Variants in ZNF888 observed in about 807,000 individuals in gnomAD.
ZNF888 encodes the protein zinc finger protein 888, also known as CTD-2331H12.6.
Under a neutral mutation model 7.2 loss-of-function variants are expected in ZNF888, and 5 were observed. That is an observed-to-expected ratio of 0.70 (90% confidence interval 0.36 to 1.46). The LOEUF (loss-of-function observed/expected upper bound fraction) is 1.46, where lower values mean the gene tolerates loss of function less well. Ranked by LOEUF, ZNF888 falls within the 40% of genes most tolerant of loss-of-function variation. The pLI is 0.03. For synonymous variants in ZNF888, 240 were observed against 284.3 expected (o/e 0.84, Z 1.57); for missense variants, 716 against 858.0 (o/e 0.83, Z 2.07).
intron 4 of ZNF888, among the ~76,000 whole-genome samples, chr19:52,912,456 T>C (rs1214391401): frequency 6.7e-6 from 1 of 149,082 alleles, no homozygotes; most frequent in Admixed American, 6.7e-5. Flanking sequence ...CCGGGCACGG[T>C]GTCTCATGCC....
intron 4 of ZNF888, among the ~76,000 whole-genome samples, chr19:52,910,948 T>A (rs1312457622): frequency 1.3e-5 from 2 of 152,134 alleles, no homozygotes; most frequent in Non-Finnish European, 2.9e-5. Context: ...TGGGGTGATC[T>A]TAGCTCACTG....
At chr19:52,918,338 A>C in intron 2 of ZNF888, 1 of 293,296 alleles carries the variant, frequency 3.4e-6, no homozygotes, top group Non-Finnish European at 5.1e-6. Context: ...AAAAATACAA[A>C]TACTTAGCCA....
chr19:52,910,938 TG>T (rs1271204030), intron 4 of ZNF888, among the ~76,000 whole-genome samples: 1 of 152,128 alleles, frequency 6.6e-6, no homozygotes, highest in Non-Finnish European at 1.5e-5. Context: ...TGGAGTGCAG[TG>T]GGGTGATCTT....
intron 3 of ZNF888, 68 bp from the exon 4 acceptor site, chr19:52,915,390 G>A: frequency 7.4e-6 from 12 of 1,611,008 alleles, no homozygotes; most frequent in Non-Finnish European, 9.3e-6. Flanking sequence ...AAAATGAGAA[G>A]AAGAGAGGGG....
In ZNF888 at chr19:52,907,870, T is replaced by A. The variant is rs765214762; in HGVS notation, c.452A>T (p.His151Leu). 1.1e-5 allele frequency: 17 copies of A among 1,614,188 alleles called. No individual in the cohort carries two copies. The highest frequency in any genetic ancestry group is 1.4e-5 in the Non-Finnish European group (17 of 1,180,026). The stretch of plus-strand genomic sequence containing the variant: ...AATTTTCCCTTCGGGCTGAAATATG[T>A]GCAGTTCAGGCAGATGTGAATGAAA... ...SSFHSHLPEL[H>L]IFQPEGKIGN... Residue 151 changes from histidine (H) to leucine (L), a missense_variant, in exon 5 of 5, where the codon CAC becomes CTC. Around this residue, in one of 2 missense-constraint regions of ZNF888, gnomAD observed 697 missense variants for 803.4 expected, o/e 0.87. Transcript: ENST00000638862.
At position 52,907,176 on chromosome 19, in the gene ZNF888, G is replaced by T; in HGVS notation, c.1146C>A (p.Tyr382Ter). The T allele has an allele frequency of 6.2e-7, 1 of 1,612,680 alleles. No homozygotes were observed. The highest frequency in any genetic ancestry group is 1.3e-5 in the African/African-American group (1 of 74,516). The change falls in exon 5 of 5, where the codon TAC becomes TAA. Residue 382 changes from tyrosine to a stop codon, truncating the protein, a stop_gained. Transcript: ENST00000638862. LOFTEE classifies it low-confidence loss of function (END_TRUNC). ...AAGCCTTGTCACAAACCTTACATTT[G>T]TATGGTTTCTCACCAGTGTGAATTC... is the stretch of plus-strand genomic sequence containing the variant. The part of the protein sequence containing the change: ...HRRIHTGEKP[Y>*]KCKVCDKAFR...
chr19:52,910,388 T>C (rs1325422061), intron 4 of ZNF888, among the ~76,000 whole-genome samples: 2 of 152,024 alleles, frequency 1.3e-5, no homozygotes, highest in Non-Finnish European at 2.9e-5. Flanking sequence ...CAGGAATCAT[T>C]TGAACCTGGG....
rs567441834 is a variant in ZNF888, at chr19:52,912,034, C to T, written c.142+3162G>A. 2.6e-3 allele frequency among the ~76,000 whole-genome samples: 390 copies of T among 151,352 alleles called. 2 individuals are homozygous for T. The highest frequency in any genetic ancestry group is 9.2e-3 in the African/African-American group (378 of 41,250). The stretch of plus-strand genomic sequence containing the variant: ...TTCACCGTGTTAGTCAGGATGGTCG[C>T]GATCTCCTGACCTCGTGATCCACCC... On this transcript the variant is annotated intron_variant, in intron 4 of 4. Coordinates refer to ENST00000638862, the MANE Select transcript of ZNF888 (RefSeq NM_001393938.1).
At position 52,919,231 on chromosome 19, in the gene ZNF888, T is replaced by G. The variant is rs534038535; in HGVS notation, c.-177-294A>C. On this transcript the variant is annotated intron_variant, in intron 1 of 4. Coordinates refer to ENST00000638862, the MANE Select transcript of ZNF888 (RefSeq NM_001393938.1). ...CTCTGATGCCGAGCCAAGGCTGGAC[T>G]ATACTGCTGCCATCTCGGCTCACTG... Among the ~76,000 whole-genome samples, 3 of 43,480 alleles carry G rather than the reference T, an allele frequency of 6.9e-5. 1 individual carries two copies. Among genetic ancestry groups the G allele is most frequent in the South Asian group, 8.4e-4 (1 of 1,192 alleles). 28.5% of individuals were successfully genotyped at this position (43,480 alleles called of 152,430 possible).
chr19:52,915,506 G>T (rs532074705), intron 3 of ZNF888, among the ~76,000 whole-genome samples, 184 bp from the exon 4 acceptor site: 1 of 57,698 alleles, frequency 1.7e-5, no homozygotes, highest in African/African-American at 8.5e-5. Flanking sequence ...ATGGAGTGTC[G>T]CCCTGTCGCC....
At chr19:52,910,860 G>C (rs1258736670) in intron 4 of ZNF888, among the ~76,000 whole-genome samples, 2 of 152,092 alleles carry the variant, frequency 1.3e-5, no homozygotes, top group African/African-American at 2.4e-5. Flanking sequence ...CTCAAGTGTA[G>C]TGGCATGATT....
At chr19:52,922,479 C>T (rs548541980) in intron 1 of ZNF888, among the ~76,000 whole-genome samples, 1 of 152,028 alleles carries the variant, frequency 6.6e-6, no homozygotes, top group Non-Finnish European at 1.5e-5. Flanking sequence ...GCCCCTCTCC[C>T]TACCTTGCTG....
intron 3 of ZNF888, chr19:52,917,146 T>C (rs945525419): frequency 6.5e-6 from 1 of 152,808 alleles, no homozygotes; most frequent in African/African-American, 2.4e-5. Context: ...CTTAACATAA[T>C]GATGGAATCA....
At position 52,906,121 on chromosome 19, in the gene ZNF888, G is replaced by T. The variant is rs1044208315; in HGVS notation, c.*44C>A. ...TTCATTATGGATTCTTCAATGATTT[G>T]CAATGGTTGTAGCGTTACTGAAGAC... On this transcript the variant is annotated 3_prime_UTR_variant, in exon 5 of 5. Transcript: ENST00000638862. 3.1e-6 allele frequency: 5 copies of T among 1,611,594 alleles called. No individual in the cohort carries two copies. The African/African-American group carries it at 6.7e-5, about 22-fold the overall frequency.
At position 52,904,894 on chromosome 19, in the gene ZNF888, C is replaced by G. The variant is rs1471583904; in HGVS notation, c.*1271G>C. ...TCAGTGGATTTGCACAATACAATAT[C>G]GGCACCAAAAATTACTTGAATTTCC... On this transcript the variant is annotated 3_prime_UTR_variant, in exon 5 of 5. Coordinates refer to ENST00000638862, the MANE Select transcript of ZNF888 (RefSeq NM_001393938.1). 6.6e-6 allele frequency: 1 copy of G among 152,144 alleles called. No homozygotes were observed. The highest frequency in any genetic ancestry group is 6.5e-5 in the Admixed American group (1 of 15,278). 9.4% of individuals were successfully genotyped at this position (152,144 alleles called of 1,614,324 possible).
chr19:52,915,691 G>A (rs1377213016), intron 3 of ZNF888, among the ~76,000 whole-genome samples: 1 of 152,046 alleles, frequency 6.6e-6, no homozygotes, highest in Non-Finnish European at 1.5e-5. Context: ...TGGCCAGGAT[G>A]GTCTCGATCT....
chr19:52,912,360 C>A (rs796600724), intron 4 of ZNF888, among the ~76,000 whole-genome samples: 151 of 143,924 alleles, frequency 1.0e-3, no homozygotes, highest in Non-Finnish European at 1.7e-3. Context: ...TGATCCGCCC[C>A]CCTCGGCCTC....
At chr19:52,913,630 C>T in intron 4 of ZNF888, 3 of 828,120 alleles carry the variant, frequency 3.6e-6, no homozygotes, top group Non-Finnish European at 2.9e-6. Flanking sequence ...GGCCAGGTTA[C>T]AGAAATTTTA....
rs1021487480 is a variant in ZNF888 at position 52,905,410 on chromosome 19, C to T, written c.*755G>A. 2 of 157,912 alleles carry T rather than the reference C, an allele frequency of 1.3e-5. No individual in the cohort carries two copies. The highest frequency in any genetic ancestry group is 1.3e-4 in the Admixed American group (2 of 15,934). The allele number at this position is 157,912 out of a possible 1,614,324, so 9.8% of individuals were successfully genotyped here. A position where few individuals can be genotyped will look rare whatever the true frequency, so the allele number is the denominator to read the frequency against. On this transcript the variant is annotated 3_prime_UTR_variant, in exon 5 of 5. Coordinates refer to ENST00000638862, the MANE Select transcript of ZNF888 (RefSeq NM_001393938.1). ...CACCCCATCTCCCTTCCCTGACTCT[C>T]TTTTCGGACTCAGCTTGCCTGCACC...
Sources: gnomAD v4.1 joint callset for allele counts (sites outside exome capture counted in the v4.1 genomes callset) on GRCh38, gnomAD v4.1.1 for gene constraint, gnomAD v4.1.1 regional missense constraint, MANE v1.5 for transcripts, NCBI Gene and HGNC (gene_info 2026-07-23, HGNC 2026-07-21) for gene names.